LRMDA: variants seen among roughly 807,000 people sequenced by gnomAD.
The protein encoded by LRMDA is leucine-rich melanocyte differentiation-associated protein.
In LRMDA, 18 loss-of-function variants were observed where a neutral mutation model predicts 29.8. The ratio of observed to expected loss-of-function variants is 0.60; its 90% CI spans 0.42 to 0.90. The LOEUF (loss-of-function observed/expected upper bound fraction) is 0.90, where lower values mean the gene tolerates loss of function less well. Among genes scored for constraint, LRMDA ranks in the 40% least tolerant of loss-of-function variants. The pLI is 0.00. For missense variants in LRMDA, 273 were observed against 273.9 expected, an observed-to-expected ratio of 1.00 and a Z score of 0.02; for synonymous variants, 125 against 109.4, an observed-to-expected ratio of 1.14 and a Z score of -0.89.
At chr10:75,559,528 T>C in intron 2 of LRMDA, among the ~76,000 whole-genome samples, 1 of 150,860 alleles carries the variant, frequency 6.6e-6, no homozygotes, top group Non-Finnish European at 1.5e-5. Context: ...CAGAAGCTCT[T>C]GAGTTTAATG....
At chr10:76,084,953 A>G (rs1281102179) in intron 5 of LRMDA, among the ~76,000 whole-genome samples, 1 of 152,212 alleles carries the variant, frequency 6.6e-6, no homozygotes, top group Admixed American at 6.5e-5. Context: ...TCGTGACTGA[A>G]GGAACTCAGC....
chr10:75,710,372 A>G (rs1036782038), intron 2 of LRMDA, among the ~76,000 whole-genome samples: 2 of 152,202 alleles, frequency 1.3e-5, no homozygotes, highest in African/African-American at 2.4e-5. Flanking sequence ...ATCATTACTA[A>G]CAATACGGTT....
intron 2 of LRMDA, among the ~76,000 whole-genome samples, chr10:75,509,470 C>T (rs1331355310): frequency 6.6e-6 from 1 of 152,156 alleles, no homozygotes; most frequent in Non-Finnish European, 1.5e-5. Context: ...TCTAGAAAGA[C>T]TTTAAGACTG....
intron 2 of LRMDA, among the ~76,000 whole-genome samples, chr10:75,527,181 C>T (rs1189017004): frequency 1.3e-5 from 2 of 152,174 alleles, no homozygotes; most frequent in Non-Finnish European, 2.9e-5. Context: ...TTTTAAGGTC[C>T]ACCCATGTTG....
intron 5 of LRMDA, among the ~76,000 whole-genome samples, chr10:76,199,421 A>G (rs900068079): frequency 6.6e-6 from 1 of 152,132 alleles, no homozygotes; most frequent in Non-Finnish European, 1.5e-5. Context: ...TAACTTCTCT[A>G]TTCCTCCTTT....
intron 2 of LRMDA, among the ~76,000 whole-genome samples, chr10:75,637,486 G>T (rs899584022): frequency 3.3e-5 from 5 of 152,154 alleles, no homozygotes; most frequent in African/African-American, 9.7e-5. Context: ...AGGGAGACAT[G>T]GGGAGCATCA....
chr10:76,554,684 C>G (rs1366896985), intron 6 of LRMDA, among the ~76,000 whole-genome samples: 1 of 152,150 alleles, frequency 6.6e-6, no homozygotes, highest in Non-Finnish European at 1.5e-5. Context: ...GAATGTGGCA[C>G]AGAACACATC....
intron 2 of LRMDA, among the ~76,000 whole-genome samples, chr10:75,479,414 G>C (rs1844832818): frequency 6.6e-6 from 1 of 151,656 alleles, no homozygotes; most frequent in Non-Finnish European, 1.5e-5. Context: ...GGCTGAGGCA[G>C]GATAATGGCA....
At chr10:75,832,857 G>A (rs926911535) in intron 2 of LRMDA, among the ~76,000 whole-genome samples, 1 of 152,148 alleles carries the variant, frequency 6.6e-6, no homozygotes. Context: ...TCACTATCAC[G>A]AGAACAACAC....
chr10:75,601,376 C>G (rs1840883508), intron 2 of LRMDA: 4 of 152,140 alleles, frequency 2.6e-5, no homozygotes. Context: ...TAATTTGACC[C>G]CTTGGGAACA....
intron 2 of LRMDA, among the ~76,000 whole-genome samples, chr10:75,464,400 C>T (rs1459222813): frequency 4.6e-5 from 7 of 152,130 alleles, no homozygotes; most frequent in Admixed American, 4.6e-4. Flanking sequence ...CAAGACTGTG[C>T]ACTAGTTTAT....
chr10:75,517,920 A>T (rs1026692402), intron 2 of LRMDA, among the ~76,000 whole-genome samples: 5 of 152,066 alleles, frequency 3.3e-5, no homozygotes, highest in African/African-American at 7.2e-5. Context: ...AGGGCTGTTG[A>T]ATTTTGTTGG....
chr10:76,076,537 A>C (rs966464596), intron 5 of LRMDA, among the ~76,000 whole-genome samples: 1 of 152,216 alleles, frequency 6.6e-6, no homozygotes, highest in African/African-American at 2.4e-5. Context: ...TGAGAGGATA[A>C]GACAGATGAA....
At chr10:75,700,777 G>GTGGGTGAATGGA (rs1279585890) in intron 2 of LRMDA, among the ~76,000 whole-genome samples, 1 of 152,058 alleles carries the variant, frequency 6.6e-6, no homozygotes, top group Non-Finnish European at 1.5e-5. Context: ...GGATGGGTGG[G>GTGGGTGAATGGA]TGGGTGAATG....
At chr10:75,469,939 G>A (rs1485843598) in intron 2 of LRMDA, among the ~76,000 whole-genome samples, 1 of 151,980 alleles carries the variant, frequency 6.6e-6, no homozygotes, top group African/African-American at 2.4e-5. Context: ...CTCACCACCT[G>A]CAGGGCACTA....
intron 5 of LRMDA, among the ~76,000 whole-genome samples, chr10:76,226,665 G>A (rs565258098): frequency 1.5e-4 from 23 of 152,204 alleles, no homozygotes; most frequent in Admixed American, 1.0e-3. Context: ...GGTGAAAACC[G>A]CCCCCATAAT....
intron 2 of LRMDA, among the ~76,000 whole-genome samples, chr10:75,966,947 C>T (rs758381605): frequency 2.1e-4 from 32 of 152,244 alleles, no homozygotes; most frequent in Non-Finnish European, 3.7e-4. Flanking sequence ...TTAGCATTTG[C>T]ACCCCATAGG....
At chr10:76,231,571 C>T (rs963570261) in intron 5 of LRMDA, among the ~76,000 whole-genome samples, 4 of 152,178 alleles carry the variant, frequency 2.6e-5, no homozygotes, top group Non-Finnish European at 5.9e-5. Flanking sequence ...TTTCATACCT[C>T]ATCGATGTTT....
intron 1 of LRMDA, among the ~76,000 whole-genome samples, chr10:75,433,119 G>A (rs573343668): frequency 1.3e-5 from 2 of 152,208 alleles, no homozygotes; most frequent in South Asian, 4.1e-4. Flanking sequence ...TTTACTGCCT[G>A]GAGGGAGGGG....
Sources: allele counts gnomAD v4.1 joint callset (sites outside exome capture counted in the v4.1 genomes callset), GRCh38; gene constraint gnomAD v4.1.1; transcripts MANE v1.5; gene names NCBI Gene and HGNC (gene_info 2026-07-23, HGNC 2026-07-21).